Variants in SEMA6D observed in about 807,000 individuals in gnomAD.
SEMA6D encodes semaphorin 6D, also known as semaphorin-6D.
A neutral mutation model predicts 106.6 loss-of-function variants in SEMA6D; 35 were observed. The ratio of observed to expected loss-of-function variants is 0.33; its 90% CI spans 0.25 to 0.44. SEMA6D has a LOEUF of 0.44. Among genes scored for constraint, SEMA6D ranks in the 20% least tolerant of loss-of-function variants. The pLI is 1.00. For missense variants in SEMA6D, 1,185 were observed against 1,345.9 expected, an observed-to-expected ratio of 0.88 and a Z score of 1.87; for synonymous variants, 499 against 487.7, an observed-to-expected ratio of 1.02 and a Z score of -0.31.
At chr15:47,270,840 A>G (rs1175004805) in intron 1 of SEMA6D, among the ~76,000 whole-genome samples, 1 of 114,914 alleles carries the variant, frequency 8.7e-6, no homozygotes, top group Admixed American at 9.0e-5. Context: ...CTAAAAATAC[A>G]AAAAAAAAGC....
intron 1 of SEMA6D, among the ~76,000 whole-genome samples, chr15:47,394,339 G>T (rs780439030): frequency 6.6e-6 from 1 of 152,184 alleles, no homozygotes; most frequent in African/African-American, 2.4e-5. Flanking sequence ...AAGAGCTGGG[G>T]ACATTCAAAC....
intron 3 of SEMA6D, among the ~76,000 whole-genome samples, chr15:47,549,520 G>C (rs964215545): frequency 1.3e-5 from 2 of 152,100 alleles, no homozygotes; most frequent in African/African-American, 4.8e-5. Context: ...CCATATCTTG[G>C]CGGTATTATT....
intron 3 of SEMA6D, among the ~76,000 whole-genome samples, chr15:47,591,877 G>A (rs952028893): frequency 9.9e-5 from 15 of 152,172 alleles, no homozygotes; most frequent in African/African-American, 3.4e-4. Context: ...AAGTGTGGTA[G>A]GAGAGAGAGC....
chr15:47,544,710 T>A (rs1438478154), intron 3 of SEMA6D, among the ~76,000 whole-genome samples: 1 of 150,560 alleles, frequency 6.6e-6, no homozygotes. Context: ...AAAAGAAGAA[T>A]GGGTTGCTCC....
chr15:47,626,026 A>T (rs920320784), intron 4 of SEMA6D, among the ~76,000 whole-genome samples: 1 of 152,170 alleles, frequency 6.6e-6, no homozygotes, highest in African/African-American at 2.4e-5. Flanking sequence ...GGCCTGGGGC[A>T]GGTGAATGAG....
At chr15:47,569,927 G>C (rs958542386) in intron 3 of SEMA6D, among the ~76,000 whole-genome samples, 1 of 152,008 alleles carries the variant, frequency 6.6e-6, no homozygotes, top group South Asian at 2.1e-4. Flanking sequence ...CGGGCGTGGT[G>C]GTGGGTGCCG....
Position 47,363,973 on chromosome 15 carries a change from T to A in SEMA6D, c.-238-48420T>A, listed in dbSNP as rs1050793900. Reference sequence around the variant, plus strand: ...ACCATCAGCTCTCCTGAGAACTCCCTCACTATCAGGAGAACAGTGTGGGGG... The same window carrying A: ...ACCATCAGCTCTCCTGAGAACTCCCACACTATCAGGAGAACAGTGTGGGGG... On this transcript the variant is annotated intron_variant, in intron 1 of 19. Coordinates refer to the SEMA6D transcript ENST00000558014. 4.6e-5 allele frequency among the ~76,000 whole-genome samples: 7 copies of A among 152,200 alleles called. No homozygotes were observed. The East Asian group carries it at 1.4e-3, about 29-fold the overall frequency.
At chr15:47,430,828 G>T (rs1036022574) in intron 2 of SEMA6D, among the ~76,000 whole-genome samples, 2 of 152,020 alleles carry the variant, frequency 1.3e-5, no homozygotes, top group Non-Finnish European at 1.5e-5. Flanking sequence ...CCATTTCAGC[G>T]GTGTAGCCTC....
intron 3 of SEMA6D, among the ~76,000 whole-genome samples, chr15:47,518,416 G>A (rs1055871661): frequency 1.3e-5 from 2 of 152,132 alleles, no homozygotes; most frequent in Non-Finnish European, 2.9e-5. Flanking sequence ...CATCATTTAA[G>A]AACAGGGATA....
intron 1 of SEMA6D, among the ~76,000 whole-genome samples, chr15:47,362,894 T>A (rs2038867419): frequency 6.6e-6 from 1 of 152,188 alleles, no homozygotes. Flanking sequence ...GCTCATTTGC[T>A]GTTGGGGAAA....
chr15:47,670,856 A>T (rs371016142), intron 4 of SEMA6D, among the ~76,000 whole-genome samples: 2 of 152,218 alleles, frequency 1.3e-5, no homozygotes, highest in Non-Finnish European at 2.9e-5. Flanking sequence ...GTTGCAAGAA[A>T]TATTATGCAG....
intron 2 of SEMA6D, among the ~76,000 whole-genome samples, chr15:47,441,766 C>T (rs934683990): frequency 6.6e-6 from 1 of 151,938 alleles, no homozygotes; most frequent in African/African-American, 2.4e-5. Context: ...AATATGAAGC[C>T]ATTCATCCAA....
chr15:47,636,325 A>G (rs755667033), intron 4 of SEMA6D, among the ~76,000 whole-genome samples: 2 of 152,218 alleles, frequency 1.3e-5, no homozygotes, highest in Admixed American at 6.5e-5. Flanking sequence ...TTGAAAAACA[A>G]TATTGATCAT....
In SEMA6D at chr15:47,207,989, G is replaced by GCACA. The variant is rs1350637399; in HGVS notation, c.-239+23572_-239+23573insACAC. On this transcript the variant is annotated intron_variant, in intron 1 of 19. Coordinates refer to the SEMA6D transcript ENST00000558014. ...AAACAGGTACAGTAGCCACTGGCGCGCGCGCACACACACACACACACACAC... is the reference window on the plus strand; with the variant it reads ...AAACAGGTACAGTAGCCACTGGCGCGCACACGCGCACACACACACACACACACAC... Among the ~76,000 whole-genome samples, 14 of 62,320 alleles carry GCACA rather than the reference G, an allele frequency of 2.2e-4. 1 individual carries two copies. Among genetic ancestry groups the GCACA allele is most frequent in the South Asian group, 2.0e-3 (3 of 1,528 alleles). 40.9% of individuals were successfully genotyped at this position (62,320 alleles called of 152,430 possible).
intron 1 of SEMA6D, among the ~76,000 whole-genome samples, chr15:47,227,665 T>C (rs1012940904): frequency 6.7e-5 from 10 of 150,116 alleles, no homozygotes; most frequent in African/African-American, 2.4e-4. Context: ...AAGGTAGATA[T>C]CTGCACTCAA....
chr15:47,332,375 G>A (rs2037374944), intron 1 of SEMA6D, among the ~76,000 whole-genome samples: 1 of 152,146 alleles, frequency 6.6e-6, no homozygotes, highest in Non-Finnish European at 1.5e-5. Context: ...TGTTGAGTCT[G>A]AACAGTGAGT....
At chr15:47,520,164 A>G (rs1436442491) in intron 3 of SEMA6D, among the ~76,000 whole-genome samples, 7 of 152,224 alleles carry the variant, frequency 4.6e-5, no homozygotes, top group African/African-American at 1.4e-4. Context: ...ACAAGTCCAG[A>G]TAAGGAAGAA....
intron 1 of SEMA6D, among the ~76,000 whole-genome samples, chr15:47,304,603 A>G (rs1415241594): frequency 6.6e-6 from 1 of 152,208 alleles, no homozygotes; most frequent in Non-Finnish European, 1.5e-5. Flanking sequence ...GAATGTCCCA[A>G]GATGATCCAA....
intron 1 of SEMA6D, among the ~76,000 whole-genome samples, chr15:47,358,530 A>G (rs2038680120): frequency 6.6e-6 from 1 of 152,220 alleles, no homozygotes; most frequent in Non-Finnish European, 1.5e-5. Context: ...ATGAACTGTG[A>G]TGGTAGAAAA....
Sources: allele counts gnomAD v4.1 joint callset (sites outside exome capture counted in the v4.1 genomes callset), GRCh38; gene constraint gnomAD v4.1.1; transcripts MANE v1.5; gene names NCBI Gene and HGNC (gene_info 2026-07-23, HGNC 2026-07-21).